Variants in CSMD1 observed in about 807,000 individuals in gnomAD.
The protein encoded by CSMD1 is CUB and Sushi multiple domains 1.
In CSMD1, 213 loss-of-function variants were observed where a neutral mutation model predicts 417.5. That is an observed-to-expected ratio of 0.51 (90% confidence interval 0.46 to 0.57). The LOEUF is 0.57. CSMD1 is among the 20% of genes least tolerant of loss of function. CSMD1 has a pLI of 0.00. For missense variants in CSMD1, 6,923 were observed against 4,529.7 expected (o/e 1.53, Z -15.17); for synonymous variants, 2,862 against 1,736.8 (o/e 1.65, Z -16.11).
At chr8:4,090,642 C>G (rs62501311) in intron 3 of CSMD1, among the ~76,000 whole-genome samples, 151 of 152,250 alleles carry the variant, frequency 9.9e-4, no homozygotes, top group Non-Finnish European at 1.7e-3. Flanking sequence ...CGTCCCTGAA[C>G]TTAAGTAATT....
At chr8:4,297,511 T>G (rs1797751002) in intron 3 of CSMD1, among the ~76,000 whole-genome samples, 1 of 152,334 alleles carries the variant, frequency 6.6e-6, no homozygotes, top group African/African-American at 2.4e-5. Flanking sequence ...AGGCCATTTT[T>G]GCTTCTATAG....
chr8:2,942,993 C>T (rs1441148213), intron 68 of CSMD1, among the ~76,000 whole-genome samples: 7 of 152,118 alleles, frequency 4.6e-5, no homozygotes, highest in South Asian at 2.1e-4. Context: ...AGGCCAGACT[C>T]GGCAAAATAT....
intron 5 of CSMD1, among the ~76,000 whole-genome samples, chr8:3,764,973 G>A (rs769867527): frequency 2.6e-5 from 4 of 151,928 alleles, no homozygotes; most frequent in Non-Finnish European, 5.9e-5. Context: ...TCGAACTCCT[G>A]ACCTCAGGTG....
chr8:4,417,639 T>C (rs186091750), intron 3 of CSMD1, among the ~76,000 whole-genome samples: 214 of 152,114 alleles, frequency 1.4e-3, no homozygotes, highest in African/African-American at 4.5e-3. Context: ...ACCAATTACT[T>C]GGTGGGTCAA....
chr8:4,360,637 C>T (rs1276529374), intron 3 of CSMD1, among the ~76,000 whole-genome samples: 1 of 152,040 alleles, frequency 6.6e-6, no homozygotes, highest in Non-Finnish European at 1.5e-5. Context: ...CTACAGGCTG[C>T]CCGCCACCAC....
intron 25 of CSMD1, among the ~76,000 whole-genome samples, chr8:3,294,287 G>C (rs1428524915): frequency 1.3e-5 from 2 of 152,182 alleles, no homozygotes; most frequent in Non-Finnish European, 2.9e-5. Flanking sequence ...CCCTTGAGGA[G>C]GCAGTCTGTC....
intron 7 of CSMD1, among the ~76,000 whole-genome samples, chr8:3,701,477 G>T (rs192149554): frequency 6.6e-6 from 1 of 150,648 alleles, no homozygotes; most frequent in Non-Finnish European, 1.5e-5. Context: ...TGACATGAGG[G>T]CAAAAGACTC....
intron 3 of CSMD1, among the ~76,000 whole-genome samples, chr8:4,204,122 A>T (rs1462330419): frequency 6.6e-6 from 1 of 152,008 alleles, no homozygotes; most frequent in African/African-American, 2.4e-5. Context: ...CAAAACCTAA[A>T]ACTTAAAGGA....
intron 21 of CSMD1, among the ~76,000 whole-genome samples, chr8:3,351,815 CTATT>C (rs1215026346): frequency 5.3e-5 from 8 of 149,642 alleles, no homozygotes; most frequent in Admixed American, 2.7e-4. Context: ...TGTGTACTCA[CTATT>C]TAATTTATAT....
chr8:3,367,386 G>C, intron 19 of CSMD1, 139 bp from the exon 20 acceptor site: 2 of 627,206 alleles, frequency 3.2e-6, no homozygotes, highest in Admixed American at 2.6e-5. Context: ...AAGAGGGGAA[G>C]ACAGATTGCA....
In CSMD1 at chr8:4,471,060, A is replaced by C. The variant is rs144562990; in HGVS notation, c.303-50995T>G. On this transcript the variant is annotated intron_variant, in intron 2 of 69. Transcript: ENST00000635120. ...ACTTGCAAGGTCTAATTTCCTCATT[A>C]ATAAATCAGTTAAAATCTTTGACAT... Among the ~76,000 whole-genome samples, 3 of 152,272 alleles carry C rather than the reference A, an allele frequency of 2.0e-5. No homozygotes were observed. In the East Asian group the frequency reaches 5.8e-4, roughly 29 times the overall value.
intron 3 of CSMD1, among the ~76,000 whole-genome samples, chr8:4,036,577 A>G (rs1160208466): frequency 6.6e-6 from 1 of 152,224 alleles, no homozygotes; most frequent in African/African-American, 2.4e-5. Flanking sequence ...TCAATTTAGG[A>G]AAGGTATTTT....
Position 4,572,909 on chromosome 8 carries a change from G to A in CSMD1, c.302+64433C>T, listed in dbSNP as rs527591292. 1.3e-4 allele frequency among the ~76,000 whole-genome samples: 20 copies of A among 151,878 alleles called. No homozygotes were observed. In the East Asian group the frequency reaches 1.5e-3, roughly 12 times the overall value. ...ATCCTTTCTTCCGCTTGATCAATTC[G>A]GCTACTGATACTTGTGTATGCGTCA... On this transcript the variant is annotated intron_variant, in intron 2 of 69. Coordinates refer to ENST00000635120, the MANE Select transcript of CSMD1 (RefSeq NM_033225.6).
At chr8:4,755,183 T>C (rs890295109) in intron 1 of CSMD1, among the ~76,000 whole-genome samples, 1 of 152,182 alleles carries the variant, frequency 6.6e-6, no homozygotes, top group African/African-American at 2.4e-5. Flanking sequence ...AGGCCAAATT[T>C]TAAAGTTCTC....
intron 5 of CSMD1, among the ~76,000 whole-genome samples, chr8:3,811,065 C>G (rs767208019): frequency 2.6e-4 from 40 of 152,152 alleles, no homozygotes; most frequent in South Asian, 4.1e-4. Flanking sequence ...TTCTAAAGAG[C>G]TGTTTTTCCT....
At chr8:4,455,921 T>G (rs1799441000) in intron 2 of CSMD1, among the ~76,000 whole-genome samples, 1 of 28,734 alleles carries the variant, frequency 3.5e-5, no homozygotes, top group Non-Finnish European at 6.3e-5. Flanking sequence ...AAAGTGAGAC[T>G]CCAACTCCAA....
At position 3,998,118 on chromosome 8, in the gene CSMD1, G is replaced by C. The variant is rs376934356; in HGVS notation, c.611-8C>G. On this transcript the variant is annotated splice_region_variant and splice_polypyrimidine_tract_variant and intron_variant, in intron 4 of 69. Transcript: ENST00000635120. ...CTCCGCAGGCTCCCTCAGCTGCAGG[G>C]GCAAAAGCAGAAAGAAAGCATCACA... 1 of 1,551,450 alleles carries C rather than the reference G, an allele frequency of 6.4e-7. No individual in the cohort carries two copies. Among genetic ancestry groups the C allele is most frequent in the Non-Finnish European group, 8.7e-7 (1 of 1,145,360 alleles).
intron 3 of CSMD1, among the ~76,000 whole-genome samples, chr8:4,100,499 T>C (rs12674985): frequency 0.51 from 77,999 of 151,948 alleles, 20,281 homozygotes; most frequent in Non-Finnish European, 0.55. Context: ...TCTCATCAAC[T>C]ATAAAATGGA....
chr8:4,729,669 G>A (rs1037459293), intron 1 of CSMD1, among the ~76,000 whole-genome samples: 1 of 152,206 alleles, frequency 6.6e-6, no homozygotes, highest in Admixed American at 6.5e-5. Flanking sequence ...TTTGGCAACA[G>A]AAGACTAGCT....
Sources: gnomAD v4.1 joint callset for allele counts (sites outside exome capture counted in the v4.1 genomes callset) on GRCh38, gnomAD v4.1.1 for gene constraint, MANE v1.5 for transcripts, NCBI Gene and HGNC (gene_info 2026-07-23, HGNC 2026-07-21) for gene names.